AMDHD1: variants seen among roughly 807,000 people sequenced by gnomAD.
The protein encoded by AMDHD1 is probable imidazolonepropionase.
Under a neutral mutation model 44.1 loss-of-function variants are expected in AMDHD1, and 45 were observed. The ratio of observed to expected loss-of-function variants is 1.02; its 90% confidence interval spans 0.80 to 1.31. The LOEUF (loss-of-function observed/expected upper bound fraction) is 1.31. Ranked by LOEUF, AMDHD1 falls within the 50% of genes most tolerant of loss-of-function variation. AMDHD1 has a pLI of 0.00. For synonymous variants in AMDHD1, 206 were observed against 205.0 expected (o/e 1.00, Z -0.04); for missense variants, 586 against 552.1 (o/e 1.06, Z -0.61).
rs199577038 is a variant in AMDHD1, at chr12:95,960,555, C to T, written c.745C>T (p.Arg249Cys). 1,055 of 1,614,112 alleles carry T rather than the reference C, an allele frequency of 6.5e-4. 15 individuals carry two copies. The South Asian group carries it at 0.01, about 16-fold the overall frequency. ...CGATTCCACCAGAAGGATTCTTCAACGTGGAAAAGATATAGGGTTACAGAT... is the reference window on the plus strand; with the variant it reads ...CGATTCCACCAGAAGGATTCTTCAATGTGGAAAAGATATAGGGTTACAGAT... Reference protein sequence around the residue: ...DLDSTRRILQRGKDIGLQINF... With the variant: ...DLDSTRRILQCGKDIGLQINF... The change falls in exon 5 of 9, where the codon CGT becomes TGT. Residue 249 changes from arginine (R) to cysteine (C), a missense_variant. By Grantham distance (180) the Arg-to-Cys change is radical (BLOSUM62 -3). Transcript: ENST00000266736.
chr12:95,944,926 G>A (rs1319954017), intron 1 of AMDHD1, among the ~76,000 whole-genome samples: 1 of 152,132 alleles, frequency 6.6e-6, no homozygotes, highest in Non-Finnish European at 1.5e-5. Context: ...CTGAGGTTGG[G>A]AGCTCGAGAT....
intron 6 of AMDHD1, among the ~76,000 whole-genome samples, 200 bp downstream of exon 6, chr12:95,962,679 T>C (rs1436973944): frequency 6.6e-6 from 1 of 152,248 alleles, no homozygotes; most frequent in Non-Finnish European, 1.5e-5. Context: ...TAGACCCAGA[T>C]TGCCTTTGAG....
intron 5 of AMDHD1, among the ~76,000 whole-genome samples, chr12:95,960,850 G>A (rs993765265): frequency 1.3e-5 from 2 of 152,092 alleles, no homozygotes; most frequent in African/African-American, 4.8e-5. Flanking sequence ...GGTGATATTA[G>A]TATTAATAGC....
chr12:95,946,439 A>G (rs548650501), intron 1 of AMDHD1, among the ~76,000 whole-genome samples: 12 of 152,248 alleles, frequency 7.9e-5, no homozygotes, highest in African/African-American at 2.9e-4. Context: ...GAGGATGCAA[A>G]AATGACTAAG....
intron 2 of AMDHD1, 74 bp downstream of exon 2, chr12:95,952,897 A>T (rs569778202): frequency 2.4e-6 from 2 of 836,492 alleles, no homozygotes; most frequent in Non-Finnish European, 3.9e-6. Context: ...GAGGAAGAGT[A>T]ACAGCTTATT....
chr12:95,965,981 A>G (rs2080608240), intron 7 of AMDHD1, among the ~76,000 whole-genome samples: 1 of 152,220 alleles, frequency 6.6e-6, no homozygotes, highest in Admixed American at 6.5e-5. Context: ...AGAGGAGAGA[A>G]GCTTCTACAT....
At chr12:95,954,140 T>G (rs2080538407) in intron 2 of AMDHD1, among the ~76,000 whole-genome samples, 1 of 152,224 alleles carries the variant, frequency 6.6e-6, no homozygotes, top group Non-Finnish European at 1.5e-5. Flanking sequence ...TGAAAATAGA[T>G]TAATCTTTCT....
rs953930262 is a variant in AMDHD1, at chr12:95,967,753, T to G, written c.1194-3T>G. ...TATTTGTTGTTTTTTTTTTTTTTTC[T>G]AGATGGGAGCATTTGATTTACCAGT... On this transcript the variant is annotated splice_region_variant and splice_polypyrimidine_tract_variant and intron_variant, in intron 8 of 8. Coordinates refer to ENST00000266736, the MANE Select transcript of AMDHD1 (RefSeq NM_152435.3). 3.9e-6 allele frequency: 6 copies of G among 1,526,976 alleles called. No individual in the cohort carries two copies. The highest frequency in any genetic ancestry group is 4.6e-5 in the East Asian group (2 of 43,150). The allele number at this position is 1,526,976 out of a possible 1,614,324, so 94.6% of individuals were successfully genotyped here.
At chr12:95,946,061 C>CTCTGTGTGTGTGTGTGTG (rs1403742643) in intron 1 of AMDHD1, among the ~76,000 whole-genome samples, 1 of 122,486 alleles carries the variant, frequency 8.2e-6, no homozygotes, top group African/African-American at 2.7e-5. Flanking sequence ...CTCTTTCTCT[C>CTCTGTGTGTGTGTGTGTG]TGTGTGTGTG....
chr12:95,958,066 A>AT lies in AMDHD1; in HGVS notation c.587+1105dup, dbSNP rs769649948. On this transcript the variant is annotated intron_variant, in intron 4 of 8. Transcript: ENST00000266736. Reference sequence around the variant, plus strand: ...AAACTCTATCTCAAAAAATATATATATATTTTTTTAATTGACAAATAATAT... The same window carrying AT: ...AAACTCTATCTCAAAAAATATATATATTATTTTTTTAATTGACAAATAATAT... Among the ~76,000 whole-genome samples, 839 of 146,986 alleles carry AT rather than the reference A, an allele frequency of 5.7e-3. 4 individuals carry two copies. The highest frequency in any genetic ancestry group is 0.015 in the African/African-American group (608 of 41,062).
chr12:95,965,086 G>T (rs181466794), intron 6 of AMDHD1, among the ~76,000 whole-genome samples: 19 of 152,086 alleles, frequency 1.2e-4, no homozygotes, highest in Admixed American at 1.2e-3. Context: ...ATCACCTGAG[G>T]TCAGGAGTTT....
intron 6 of AMDHD1, among the ~76,000 whole-genome samples, chr12:95,965,375 A>T (rs1162960082): frequency 5.3e-5 from 8 of 152,072 alleles, no homozygotes; most frequent in Non-Finnish European, 2.9e-5. Context: ...AAGCTTATTA[A>T]ATTCCAAAAC....
intron 2 of AMDHD1, 152 bp downstream of exon 2, chr12:95,952,975 A>G: frequency 1.8e-6 from 1 of 563,918 alleles, no homozygotes; most frequent in Non-Finnish European, 3.1e-6. Context: ...TATTGAATGT[A>G]TAGCTGCTTT....
intron 1 of AMDHD1, among the ~76,000 whole-genome samples, chr12:95,945,066 G>A (rs555103647): frequency 7.0e-4 from 107 of 152,240 alleles, no homozygotes; most frequent in African/African-American, 2.4e-3. Flanking sequence ...CCCGGGAGGC[G>A]GAGGTTGCAG....
Position 95,966,450 on chromosome 12 carries a change from A to G in AMDHD1, c.1135A>G (p.Thr379Ala), listed in dbSNP as rs756177512. Residue 379 changes from threonine (T) to alanine (A), a missense_variant, in exon 8 of 9, where the codon ACA becomes GCA. Thr to Ala is a moderately conservative substitution (Grantham distance 58). Coordinates refer to ENST00000266736, the MANE Select transcript of AMDHD1 (RefSeq NM_152435.3). ...AGCTTATGCACTGGGAAAGTCTCAC[A>G]CACACGGATCGTTGGAAGTTGGCAA... ...NAAYALGKSH[T>A]HGSLEVGKQG... 1 of 1,614,252 alleles carries G rather than the reference A, an allele frequency of 6.2e-7. No individual in the cohort carries two copies. The highest frequency in any genetic ancestry group is 1.7e-5 in the Admixed American group (1 of 60,022).
intron 4 of AMDHD1, among the ~76,000 whole-genome samples, chr12:95,957,597 G>T (rs2080558336): frequency 6.6e-6 from 1 of 152,128 alleles, no homozygotes; most frequent in Non-Finnish European, 1.5e-5. Context: ...AGAAATCCAG[G>T]ACTTGAACAT....
chr12:95,968,018 T>C lies in AMDHD1; in HGVS notation c.*175T>C. On this transcript the variant is annotated 3_prime_UTR_variant, in exon 9 of 9. Coordinates refer to ENST00000266736, the MANE Select transcript of AMDHD1 (RefSeq NM_152435.3). ...GATAGATTTATTTTCATTTAACACA[T>C]GCATTTGACATATAAACAGGTAAAC... The C allele has an allele frequency of 2.0e-6, 1 of 489,390 alleles. No homozygotes were observed. The highest frequency in any genetic ancestry group is 3.6e-6 in the Non-Finnish European group (1 of 278,170). 30.3% of individuals were successfully genotyped at this position (489,390 alleles called of 1,614,324 possible). A position where few individuals can be genotyped will look rare whatever the true frequency, so the allele number is the denominator to read the frequency against.
In AMDHD1 at chr12:95,960,366, TTTGCCCATGGCAATCTCATTTTC is replaced by T; in HGVS notation, c.588-29_588-7del. 6.3e-7 allele frequency: 1 copy of T among 1,592,376 alleles called. No individual in the cohort carries two copies. The highest frequency in any genetic ancestry group is 8.6e-7 in the Non-Finnish European group (1 of 1,163,470). ...GTCTTTTTGTGTTTTGTTTTTAATA[TTTGCCCATGGCAATCTCATTTTC>T]TTCCCCAGAGGAAAAACTGCTACTG... is the stretch of plus-strand genomic sequence containing the variant. On this transcript the variant is annotated splice_polypyrimidine_tract_variant and intron_variant, in intron 4 of 8. Transcript: ENST00000266736.
In AMDHD1 at chr12:95,961,144, C is replaced by CA. The variant is rs3051622; in HGVS notation, c.813+532dup. Among the ~76,000 whole-genome samples the CA allele has an allele frequency of 4.2e-4, 55 of 129,650 alleles. 1 individual carries two copies. The highest frequency in any genetic ancestry group is 5.6e-4 in the Non-Finnish European group (35 of 62,946). 85.1% of individuals were successfully genotyped at this position (129,650 alleles called of 152,430 possible). On this transcript the variant is annotated intron_variant, in intron 5 of 8. Transcript: ENST00000266736. ...TGGGGGACAGAGCAAGACTCCATCTCAAAAAAAAAAAGGAAAGAAAAGAAA... is the reference window on the plus strand; with the variant it reads ...TGGGGGACAGAGCAAGACTCCATCTCAAAAAAAAAAAAGGAAAGAAAAGAAA...
Sources: allele counts gnomAD v4.1 joint callset (sites outside exome capture counted in the v4.1 genomes callset), GRCh38; gene constraint gnomAD v4.1.1; transcripts MANE v1.5; gene names NCBI Gene and HGNC (gene_info 2026-07-23, HGNC 2026-07-21).